Variants in CADM2 observed in about 807,000 individuals in gnomAD.
The protein encoded by CADM2 is immunoglobulin superfamily member 4D.
A neutral mutation model predicts 49.8 loss-of-function variants in CADM2; 12 were observed. That is an observed-to-expected ratio of 0.24 (90% confidence interval 0.15 to 0.39). The LOEUF is 0.39. CADM2 is among the 10% of genes least tolerant of loss of function. The probability of loss-of-function intolerance (pLI) is 1.00; values close to 1 mark genes in which losing one functional copy is unlikely to be tolerated. For synonymous variants in CADM2, 214 were observed against 175.4 expected, an observed-to-expected ratio of 1.22 and a Z score of -1.74; for missense variants, 378 against 492.3, an observed-to-expected ratio of 0.77 and a Z score of 2.20.
chr3:85,402,918 T>C (rs2035187178), intron 1 of CADM2, among the ~76,000 whole-genome samples: 1 of 152,140 alleles, frequency 6.6e-6, no homozygotes, highest in Non-Finnish European at 1.5e-5. Flanking sequence ...GATGTTAATA[T>C]AGATATAGAT....
At chr3:85,786,704 C>A (rs952783061) in intron 2 of CADM2, among the ~76,000 whole-genome samples, 1 of 151,888 alleles carries the variant, frequency 6.6e-6, no homozygotes, top group Non-Finnish European at 1.5e-5. Flanking sequence ...AAAATATGTG[C>A]CCACCATGTC....
chr3:85,040,432 A>G (rs2107360656), intron 1 of CADM2, among the ~76,000 whole-genome samples: 1 of 152,312 alleles, frequency 6.6e-6, no homozygotes, highest in South Asian at 2.1e-4. Context: ...CTGAAGTGAT[A>G]GAAACTCATT....
chr3:85,977,111 T>C (rs1412623650), intron 8 of CADM2, among the ~76,000 whole-genome samples: 1 of 150,906 alleles, frequency 6.6e-6, no homozygotes, highest in Admixed American at 6.6e-5. Flanking sequence ...TTGGGGGGAC[T>C]CCAAATACTA....
intron 8 of CADM2, among the ~76,000 whole-genome samples, chr3:85,974,453 A>T (rs1289521512): frequency 1.3e-5 from 2 of 151,698 alleles, no homozygotes; most frequent in Non-Finnish European, 3.0e-5. Flanking sequence ...GTATCCTATG[A>T]GGAACTCTAG....
chr3:85,830,305 C>T (rs754546548), intron 3 of CADM2, among the ~76,000 whole-genome samples: 9 of 151,818 alleles, frequency 5.9e-5, no homozygotes, highest in Non-Finnish European at 1.2e-4. Context: ...ACCTTTTGGC[C>T]ATTTGTAGGT....
chr3:85,184,768 A>G (rs1163343511), intron 1 of CADM2, among the ~76,000 whole-genome samples: 1 of 152,132 alleles, frequency 6.6e-6, no homozygotes, highest in Non-Finnish European at 1.5e-5. Flanking sequence ...ATAGGAGTGC[A>G]TTGCTTGTGA....
chr3:85,320,828 A>T (rs2044579350), intron 1 of CADM2, among the ~76,000 whole-genome samples: 1 of 151,778 alleles, frequency 6.6e-6, no homozygotes. Context: ...TATCACATTG[A>T]TTACTGCATT....
chr3:85,867,694 C>G (rs1415405617), intron 3 of CADM2, among the ~76,000 whole-genome samples: 2 of 151,994 alleles, frequency 1.3e-5, no homozygotes, highest in Admixed American at 1.3e-4. Context: ...AGAAGAAATA[C>G]TTTGAAAATT....
chr3:85,609,813 C>T (rs1576925765), intron 1 of CADM2, among the ~76,000 whole-genome samples: 1 of 151,852 alleles, frequency 6.6e-6, no homozygotes, highest in South Asian at 2.1e-4. Flanking sequence ...AGTTCATAAT[C>T]GTAATGTGTT....
Position 85,142,847 on chromosome 3 carries a change from A to G in CADM2, c.61+183179A>G, listed in dbSNP as rs561113045. On this transcript the variant is annotated intron_variant, in intron 1 of 9. Transcript: ENST00000383699. Reference sequence around the variant, plus strand: ...CTCAGAGCCAATATAAATCAGGACGATGACCCTAATGAACAGATTGTCCAC... The same window carrying G: ...CTCAGAGCCAATATAAATCAGGACGGTGACCCTAATGAACAGATTGTCCAC... Among the ~76,000 whole-genome samples the G allele has an allele frequency of 2.6e-5, 4 of 152,342 alleles. No homozygotes were observed. The South Asian group carries it at 8.3e-4, about 32-fold the overall frequency.
At chr3:85,512,855 A>T (rs1305568946) in intron 1 of CADM2, among the ~76,000 whole-genome samples, 2 of 151,980 alleles carry the variant, frequency 1.3e-5, no homozygotes, top group Non-Finnish European at 2.9e-5. Context: ...ACTTCTCTGT[A>T]AAAAATGAAT....
At chr3:85,494,831 G>C (rs2039821161) in intron 1 of CADM2, among the ~76,000 whole-genome samples, 1 of 152,256 alleles carries the variant, frequency 6.6e-6, no homozygotes, top group South Asian at 2.1e-4. Context: ...GGTGGCCCTA[G>C]GGAAAATGCA....
chr3:85,364,719 T>C (rs2032617767), intron 1 of CADM2, among the ~76,000 whole-genome samples: 1 of 152,170 alleles, frequency 6.6e-6, no homozygotes, highest in African/African-American at 2.4e-5. Context: ...CAAGTTCAGT[T>C]AGGTCAATGC....
intron 1 of CADM2, among the ~76,000 whole-genome samples, chr3:85,539,597 C>A (rs540252236): frequency 6.6e-6 from 1 of 152,050 alleles, no homozygotes; most frequent in South Asian, 2.1e-4. Flanking sequence ...GGAACAACAC[C>A]AGGTAATTTA....
At chr3:85,780,977 C>T (rs918517777) in intron 2 of CADM2, among the ~76,000 whole-genome samples, 2 of 152,108 alleles carry the variant, frequency 1.3e-5, no homozygotes, top group African/African-American at 2.4e-5. Flanking sequence ...TGAAATCAAG[C>T]CTAGTCACCA....
At chr3:86,011,125 C>T (rs935560860) in intron 8 of CADM2, among the ~76,000 whole-genome samples, 2 of 151,808 alleles carry the variant, frequency 1.3e-5, no homozygotes, top group Non-Finnish European at 2.9e-5. Context: ...TGTATAATGT[C>T]GCCACATCAG....
At chr3:85,561,571 T>C (rs779158733) in intron 1 of CADM2, among the ~76,000 whole-genome samples, 5 of 152,268 alleles carry the variant, frequency 3.3e-5, no homozygotes, top group Non-Finnish European at 2.9e-5. Flanking sequence ...TTTTCTAGGT[T>C]TTTATCTTCC....
Position 85,961,541 on chromosome 3 carries a change from G to C in CADM2, c.864G>C (p.Arg288Ser). The stretch of plus-strand genomic sequence containing the variant: ...CTGACCGAATGGTTGTGAGTGGTAG[G>C]GAGCTAAACATTCTTTTCCTGAACA... ...PDPDRMVVSG[R>S]ELNILFLNKT... is the part of the protein sequence containing the mutation. Residue 288 changes from arginine to serine, a missense_variant, in exon 8 of 10, where the codon AGG becomes AGC. Arg to Ser is a moderately radical substitution (Grantham distance 110). Transcript: ENST00000383699. 1 of 1,610,460 alleles carries C rather than the reference G, an allele frequency of 6.2e-7. No individual in the cohort carries two copies.
chr3:85,971,146 T>G (rs1346019156), intron 8 of CADM2, among the ~76,000 whole-genome samples: 1 of 151,596 alleles, frequency 6.6e-6, no homozygotes, highest in African/African-American at 2.4e-5. Context: ...ATTTTTCAGT[T>G]GAGATAATTA....
Sources: allele counts gnomAD v4.1 joint callset (sites outside exome capture counted in the v4.1 genomes callset), GRCh38; gene constraint gnomAD v4.1.1; transcripts MANE v1.5; gene names NCBI Gene and HGNC (gene_info 2026-07-23, HGNC 2026-07-21).